The following CHODL variants were observed in gnomAD, a reference collection of about 807,000 sequenced individuals.
CHODL encodes the protein transmembrane protein MT75.
In CHODL, 29 loss-of-function variants were observed where a neutral mutation model predicts 34.5. The ratio of observed to expected loss-of-function variants is 0.84; its 90% CI spans 0.63 to 1.15. CHODL has a LOEUF of 1.15. Ranked by LOEUF, CHODL falls within the 50% of genes most tolerant of loss-of-function variation. CHODL has a pLI of 0.00. For synonymous variants in CHODL, 125 were observed against 116.1 expected, an observed-to-expected ratio of 1.08 and a Z score of -0.49; for missense variants, 332 against 332.5, an observed-to-expected ratio of 1.00 and a Z score of 0.01.
At chr21:18,067,288 A>C (rs1017991573) in intron 2 of CHODL, among the ~76,000 whole-genome samples, 1 of 152,232 alleles carries the variant, frequency 6.6e-6, no homozygotes, top group Non-Finnish European at 1.5e-5. Flanking sequence ...ATGTGATCTT[A>C]TTTGACAATA....
At chr21:18,142,705 T>C (rs1185538937) in intron 2 of CHODL, among the ~76,000 whole-genome samples, 1 of 152,156 alleles carries the variant, frequency 6.6e-6, no homozygotes, top group Non-Finnish European at 1.5e-5. Flanking sequence ...TGCAGTTCCC[T>C]GGTGATCAAA....
chr21:18,106,503 T>G (rs961050981), intron 2 of CHODL, among the ~76,000 whole-genome samples: 20 of 149,006 alleles, frequency 1.3e-4, no homozygotes, highest in African/African-American at 4.9e-4. Context: ...TTCTTTTTCT[T>G]TTTTTTTTTT....
At chr21:18,114,888 A>G (rs1237004369) in intron 2 of CHODL, 1 of 152,282 alleles carries the variant, frequency 6.6e-6, no homozygotes, top group African/African-American at 2.4e-5. Flanking sequence ...TAGCCAGACA[A>G]TTGCAGATGT....
At position 17,924,421 on chromosome 21, in the gene CHODL, C is replaced by T. The variant is rs114135069; in HGVS notation, c.-145+7021C>T. On this transcript the variant is annotated intron_variant, in intron 1 of 6. Coordinates refer to the CHODL transcript ENST00000400127. ...TTTATTGGAGAATCAGCCTTGGAGACCGGAGAGAAATGATGTGAGATCACA... is the reference window on the plus strand; with the variant it reads ...TTTATTGGAGAATCAGCCTTGGAGATCGGAGAGAAATGATGTGAGATCACA... Among the ~76,000 whole-genome samples, 793 of 152,236 alleles carry T rather than the reference C, an allele frequency of 5.2e-3. 7 individuals carry two copies. Among genetic ancestry groups the T allele is most frequent in the African/African-American group, 0.018 (735 of 41,516 alleles).
intron 2 of CHODL, among the ~76,000 whole-genome samples, chr21:18,230,607 G>A (rs1166657287): frequency 6.6e-6 from 1 of 151,984 alleles, no homozygotes; most frequent in Admixed American, 6.6e-5. Context: ...ACAAAGTGAA[G>A]GAAATACGAA....
At chr21:18,109,250 T>C (rs959535709) in intron 2 of CHODL, among the ~76,000 whole-genome samples, 1 of 152,122 alleles carries the variant, frequency 6.6e-6, no homozygotes, top group Admixed American at 6.6e-5. Context: ...AAAGTTATGG[T>C]AGAGGGTAGA....
At chr21:17,939,083 T>TA (rs1277005179) in intron 1 of CHODL, among the ~76,000 whole-genome samples, 1 of 152,202 alleles carries the variant, frequency 6.6e-6, no homozygotes, top group Non-Finnish European at 1.5e-5. Flanking sequence ...TTTTTGGTGG[T>TA]AAAAACACTT....
At chr21:18,100,234 A>G (rs929920553) in intron 2 of CHODL, among the ~76,000 whole-genome samples, 6 of 152,166 alleles carry the variant, frequency 3.9e-5, no homozygotes, top group Non-Finnish European at 8.8e-5. Context: ...AACTGTGGAA[A>G]GATACATTGT....
At chr21:18,037,142 C>G (rs2064320842) in intron 2 of CHODL, among the ~76,000 whole-genome samples, 1 of 151,822 alleles carries the variant, frequency 6.6e-6, no homozygotes, top group African/African-American at 2.4e-5. Flanking sequence ...TATTTTAACT[C>G]CAACAGACCT....
chr21:18,103,129 C>T (rs2065234792), intron 2 of CHODL, among the ~76,000 whole-genome samples: 1 of 152,036 alleles, frequency 6.6e-6, no homozygotes, highest in Non-Finnish European at 1.5e-5. Context: ...TTGTTTGTAG[C>T]CTCTTCTCTT....
At chr21:18,064,504 G>A (rs892806822) in intron 2 of CHODL, among the ~76,000 whole-genome samples, 1 of 152,200 alleles carries the variant, frequency 6.6e-6, no homozygotes, top group African/African-American at 2.4e-5. Flanking sequence ...AATTCCTGCT[G>A]TCTGATTGCT....
At chr21:17,969,435 T>C (rs930926440) in intron 1 of CHODL, among the ~76,000 whole-genome samples, 7 of 152,180 alleles carry the variant, frequency 4.6e-5, no homozygotes, top group Admixed American at 4.6e-4. Flanking sequence ...ATAACAGGTA[T>C]CCATATAAAA....
At chr21:18,207,505 G>A (rs2073725127) in intron 2 of CHODL, among the ~76,000 whole-genome samples, 1 of 152,000 alleles carries the variant, frequency 6.6e-6, no homozygotes, top group South Asian at 2.1e-4. Context: ...AACAATTACA[G>A]TGCTATAATA....
At chr21:18,151,037 C>T (rs749562839) in intron 2 of CHODL, among the ~76,000 whole-genome samples, 68 of 147,278 alleles carry the variant, frequency 4.6e-4, no homozygotes, top group Admixed American at 2.0e-3. Flanking sequence ...GAGCCGAGAT[C>T]GCACCACTGC....
chr21:18,072,363 G>A (rs1049800576), intron 2 of CHODL, among the ~76,000 whole-genome samples: 13 of 152,106 alleles, frequency 8.5e-5, no homozygotes, highest in Non-Finnish European at 1.6e-4. Flanking sequence ...AGAAATTATA[G>A]TGAGAAATAT....
In CHODL at chr21:18,216,625, C is replaced by T. The variant is rs189367314; in HGVS notation, c.-44-39884C>T. Among the ~76,000 whole-genome samples, 186 of 152,234 alleles carry T rather than the reference C, an allele frequency of 1.2e-3. 1 individual carries two copies. The highest frequency in any genetic ancestry group is 6.8e-3 in the Middle Eastern group (2 of 294). On this transcript the variant is annotated intron_variant, in intron 2 of 6. Coordinates refer to the CHODL transcript ENST00000400127. The stretch of plus-strand genomic sequence containing the variant: ...AATGACAAGCGTATTAGTCAGTTTT[C>T]GCACTGCTATAAAAAATACCTGAGA...
At chr21:17,959,222 C>A (rs1420742092) in intron 1 of CHODL, among the ~76,000 whole-genome samples, 1 of 152,014 alleles carries the variant, frequency 6.6e-6, no homozygotes, top group Non-Finnish European at 1.5e-5. Flanking sequence ...ATCTTTCTGA[C>A]TGTGTTCTTA....
intron 2 of CHODL, among the ~76,000 whole-genome samples, chr21:18,078,290 C>T (rs1304756159): frequency 2.6e-5 from 4 of 152,122 alleles, no homozygotes; most frequent in Non-Finnish European, 5.9e-5. Flanking sequence ...TCCTATATGG[C>T]AGCAGGCAAG....
chr21:18,059,620 T>C (rs546398000), intron 2 of CHODL, among the ~76,000 whole-genome samples: 24 of 152,124 alleles, frequency 1.6e-4, no homozygotes, highest in African/African-American at 5.3e-4. Flanking sequence ...CCAGCATCCA[T>C]TAGCTATTCT....
Sources: allele counts gnomAD v4.1 joint callset (sites outside exome capture counted in the v4.1 genomes callset), GRCh38; gene constraint gnomAD v4.1.1; transcripts MANE v1.5; gene names NCBI Gene and HGNC (gene_info 2026-07-23, HGNC 2026-07-21).